SRGAP2: variants seen among roughly 807,000 people sequenced by gnomAD.
SRGAP2 encodes the protein SLIT-ROBO Rho GTPase activating protein 2, also known as SLIT-ROBO Rho GTPase-activating protein 2.
Under a neutral mutation model 57.2 loss-of-function variants are expected in SRGAP2, and 15 were observed. The ratio of observed to expected loss-of-function variants is 0.26; its 90% CI spans 0.18 to 0.40. The LOEUF (loss-of-function observed/expected upper bound fraction) is 0.40, where lower values mean the gene tolerates loss of function less well. Among genes scored for constraint, SRGAP2 ranks in the 10% least tolerant of loss-of-function variants. The pLI, the probability that SRGAP2 is intolerant of heterozygous loss-of-function variation, is 1.00. For synonymous variants in SRGAP2, 249 were observed against 248.0 expected (o/e 1.00, Z -0.04); for missense variants, 520 against 669.6 (o/e 0.78, Z 2.47).
intron 4 of SRGAP2, among the ~76,000 whole-genome samples, chr1:206,365,393 C>T (rs1383179566): frequency 9.9e-5 from 15 of 152,114 alleles, no homozygotes; most frequent in Non-Finnish European, 1.6e-4. Context: ...ATTTTTCTGC[C>T]GCTGCTGATG....
intron 2 of SRGAP2, among the ~76,000 whole-genome samples, chr1:206,221,063 T>C (rs1666959766): frequency 6.8e-6 from 1 of 147,366 alleles, no homozygotes; most frequent in Non-Finnish European, 1.5e-5. Flanking sequence ...TGCCTCAGCC[T>C]CCTGAGTAGC....
chr1:206,394,080 T>C (rs1483671068), intron 7 of SRGAP2, among the ~76,000 whole-genome samples: 1 of 123,316 alleles, frequency 8.1e-6, no homozygotes. Flanking sequence ...AGAGTCTTGC[T>C]CTGTCCCCCA....
At chr1:206,433,930 G>C (rs1201384517) in intron 14 of SRGAP2, among the ~76,000 whole-genome samples, 1 of 152,138 alleles carries the variant, frequency 6.6e-6, no homozygotes, top group Non-Finnish European at 1.5e-5. Context: ...CAAATATATT[G>C]TGGATTTTTT....
At chr1:206,230,841 T>C (rs1667593076) in intron 2 of SRGAP2, among the ~76,000 whole-genome samples, 1 of 144,408 alleles carries the variant, frequency 6.9e-6, no homozygotes, top group Non-Finnish European at 1.5e-5. Context: ...TTGGCCAGGC[T>C]GGTCTCAAAC....
At chr1:206,426,877 G>T (rs183138306) in intron 13 of SRGAP2, among the ~76,000 whole-genome samples, 9 of 152,078 alleles carry the variant, frequency 5.9e-5, no homozygotes, top group Admixed American at 5.2e-4. Context: ...CCCTTATCAG[G>T]TGGATAGTTT....
At chr1:206,444,352 G>T (rs1662571924) in intron 17 of SRGAP2, among the ~76,000 whole-genome samples, 1 of 152,168 alleles carries the variant, frequency 6.6e-6, no homozygotes, top group South Asian at 2.1e-4. Context: ...GGTCATTGTA[G>T]CCACCTATGA....
In SRGAP2 at chr1:206,452,626, C is replaced by T. The variant is rs548099822; in HGVS notation, c.2180-574C>T. 6.8e-4 allele frequency among the ~76,000 whole-genome samples: 104 copies of T among 152,248 alleles called. 1 individual carries two copies. The South Asian group carries it at 0.016, about 23-fold the overall frequency. ...GGGATGCGGTCGGGCGCGTGGCTCA[C>T]GCCTGTAATCCCAGCACTTTGGGAG... is the stretch of plus-strand genomic sequence containing the variant. On this transcript the variant is annotated intron_variant, in intron 19 of 22. Coordinates refer to ENST00000573034, the MANE Select transcript of SRGAP2 (RefSeq NM_015326.5).
intron 3 of SRGAP2, chr1:206,333,412 C>G: frequency 9.2e-7 from 1 of 1,091,220 alleles, no homozygotes; most frequent in Non-Finnish European, 1.4e-6. Context: ...TCTTCAGCTT[C>G]TTCAAGGTAT....
chr1:206,423,429 C>T (rs995150339), intron 13 of SRGAP2, among the ~76,000 whole-genome samples: 2 of 152,150 alleles, frequency 1.3e-5, no homozygotes, highest in Non-Finnish European at 1.5e-5. Flanking sequence ...CCTCAGTGAT[C>T]GACTAGACAT....
At chr1:206,389,446 G>T (rs1331791721) in intron 5 of SRGAP2, among the ~76,000 whole-genome samples, 1 of 152,084 alleles carries the variant, frequency 6.6e-6, no homozygotes, top group African/African-American at 2.4e-5. Context: ...CAAAGTGCTG[G>T]GATTACAGGC....
rs372491309 is a variant in SRGAP2, at chr1:206,438,094, C to T, written c.1764C>T (p.Cys588=). The part of the protein sequence containing the change: ...PKDIFHDLMA[C]VTMDNLQERA... ...ACATCTTTCATGACCTGATGGCCTG[C>T]GTCAGTAAGTACCATTCTGGCTTCA... The change falls in exon 16 of 23, where the codon TGC becomes TGT. Residue 588 remains cysteine, a synonymous_variant. Transcript: ENST00000573034. 98 of 780,720 alleles carry T rather than the reference C, an allele frequency of 1.3e-4. No individual in the cohort carries two copies. In the East Asian group the frequency reaches 2.1e-3, roughly 16 times the overall value. 48.4% of individuals were successfully genotyped at this position (780,720 alleles called of 1,614,324 possible). A position where few individuals can be genotyped will look rare whatever the true frequency, so the allele number is the denominator to read the frequency against.
Position 206,461,160 on chromosome 1 carries a change from G to A in SRGAP2, c.2956G>A (p.Val986Met). 1 of 780,690 alleles carries A rather than the reference G, an allele frequency of 1.3e-6. No individual in the cohort carries two copies. Among genetic ancestry groups the A allele is most frequent in the Non-Finnish European group, 2.4e-6 (1 of 417,858 alleles). 48.4% of individuals were successfully genotyped at this position (780,690 alleles called of 1,614,324 possible). A position where few individuals can be genotyped will look rare whatever the true frequency, so the allele number is the denominator to read the frequency against. The change falls in exon 23 of 23, where the codon GTG becomes ATG. Residue 986 changes from valine to methionine, a missense_variant. Val to Met is a conservative substitution (Grantham distance 21). Transcript: ENST00000573034. ...TLEPLKTSPV[V>M]APTSEPSSPL... is the part of the protein sequence containing the mutation. Reference sequence around the variant, plus strand: ...GGAGCCCCTCAAAACCTCCCCAGTGGTGGCCCCCACGTCAGAGCCCTCCAG... The same window carrying A: ...GGAGCCCCTCAAAACCTCCCCAGTGATGGCCCCCACGTCAGAGCCCTCCAG...
intron 14 of SRGAP2, among the ~76,000 whole-genome samples, chr1:206,431,463 A>T (rs1553368270): frequency 1.3e-5 from 2 of 152,254 alleles, no homozygotes; most frequent in African/African-American, 4.8e-5. Context: ...GATAGTAATG[A>T]TTAACAGTCA....
At chr1:206,415,996 A>G in intron 11 of SRGAP2, 23 bp downstream of exon 11, 1 of 776,720 alleles carries the variant, frequency 1.3e-6, no homozygotes, top group Non-Finnish European at 2.4e-6. Context: ...ACCCTCTGCT[A>G]GAGGCTTGAC....
At position 206,203,571 on chromosome 1, in the gene SRGAP2, G is replaced by A. The variant is rs573474470; in HGVS notation, c.-622G>A. The A allele has an allele frequency of 3.5e-6, 2 of 576,332 alleles. No homozygotes were observed. Among genetic ancestry groups the A allele is most frequent in the East Asian group, 5.8e-5 (2 of 34,590 alleles). 35.7% of individuals were successfully genotyped at this position (576,332 alleles called of 1,614,324 possible). On this transcript the variant is annotated 5_prime_UTR_variant, in exon 1 of 23. Transcript: ENST00000573034. ...CTGGGGCACCGATCTGCGTAGAAACGGGTGGCGGGGAAGAGAGGGGAGGAG... is the reference window on the plus strand; with the variant it reads ...CTGGGGCACCGATCTGCGTAGAAACAGGTGGCGGGGAAGAGAGGGGAGGAG...
chr1:206,356,952 C>T (rs1553339426), intron 4 of SRGAP2, among the ~76,000 whole-genome samples: 1 of 143,460 alleles, frequency 7.0e-6, no homozygotes, highest in African/African-American at 2.7e-5. Context: ...CCAGCTTCTC[C>T]CAGCATTTAC....
At chr1:206,229,269 A>C (rs1667472179) in intron 2 of SRGAP2, among the ~76,000 whole-genome samples, 1 of 150,872 alleles carries the variant, frequency 6.6e-6, no homozygotes, top group Non-Finnish European at 1.5e-5. Context: ...CCCTAAATGT[A>C]TGCAGAGGTT....
At chr1:206,378,861 A>C (rs1292263258) in intron 4 of SRGAP2, among the ~76,000 whole-genome samples, 1 of 152,112 alleles carries the variant, frequency 6.6e-6, no homozygotes, top group African/African-American at 2.4e-5. Context: ...GAAGGAACCA[A>C]CTCCGGACAC....
chr1:206,303,974 C>T (rs1672037182), intron 3 of SRGAP2, among the ~76,000 whole-genome samples: 1 of 150,770 alleles, frequency 6.6e-6, no homozygotes, highest in Non-Finnish European at 1.5e-5. Context: ...CCCAGGCAGT[C>T]TGGCTGCAGG....
Sources: allele counts gnomAD v4.1 joint callset (sites outside exome capture counted in the v4.1 genomes callset), GRCh38; gene constraint gnomAD v4.1.1; transcripts MANE v1.5; gene names NCBI Gene and HGNC (gene_info 2026-07-23, HGNC 2026-07-21).